THRAP3: variants seen among roughly 807,000 people sequenced by gnomAD.
THRAP3 encodes thyroid hormone receptor-associated protein 3.
In THRAP3, 16 loss-of-function variants were observed where a neutral mutation model predicts 101.0. The ratio of observed to expected loss-of-function variants is 0.16; its 90% CI spans 0.11 to 0.24. The LOEUF is 0.24. Among genes scored for constraint, THRAP3 ranks in the 10% least tolerant of loss-of-function variants. THRAP3 has a pLI of 1.00. For synonymous variants in THRAP3, 407 were observed against 422.6 expected (o/e 0.96, Z 0.45); for missense variants, 989 against 1,202.7 (o/e 0.82, Z 2.63).
At chr1:36,237,850 C>G (rs1557808843) in intron 1 of THRAP3, among the ~76,000 whole-genome samples, 1 of 152,042 alleles carries the variant, frequency 6.6e-6, no homozygotes, top group Non-Finnish European at 1.5e-5. Flanking sequence ...TGGAGACAAC[C>G]TTGCTTTGTC....
intron 5 of THRAP3, among the ~76,000 whole-genome samples, chr1:36,290,357 T>C (rs568548747): frequency 1.1e-4 from 16 of 151,526 alleles, no homozygotes; most frequent in African/African-American, 3.6e-4. Context: ...GCCCAGCTAA[T>C]TTCTTGTATT....
At chr1:36,238,053 T>C (rs1645112185) in intron 1 of THRAP3, among the ~76,000 whole-genome samples, 1 of 152,166 alleles carries the variant, frequency 6.6e-6, no homozygotes, top group South Asian at 2.1e-4. Flanking sequence ...CAGGATGGTC[T>C]GGATCTCCTG....
chr1:36,214,858 CA>C, the THRAP3 span, among the ~76,000 whole-genome samples: 18 of 137,566 alleles, frequency 1.3e-4, no homozygotes, highest in African/African-American at 2.4e-4. Context: ...AACTCTGTCT[CA>C]AAAAAAAAAT....
intron 1 of THRAP3, among the ~76,000 whole-genome samples, chr1:36,241,389 A>G (rs1159399941): frequency 1.0e-2 from 18 of 1,808 alleles, no homozygotes; most frequent in African/African-American, 0.012. Flanking sequence ...ATGGGTGTAT[A>G]TATATATATA....
chr1:36,216,495 CAA>C, the THRAP3 span, among the ~76,000 whole-genome samples: 56 of 56,406 alleles, frequency 9.9e-4, no homozygotes, highest in African/African-American at 3.0e-3. Flanking sequence ...GACTCCGTCT[CAA>C]AAAAAAAAAA....
rs1042214346 is a variant in THRAP3, at chr1:36,304,062, G to T, written c.*45G>T. On this transcript the variant is annotated 3_prime_UTR_variant, in exon 12 of 12. Coordinates refer to ENST00000354618, the MANE Select transcript of THRAP3 (RefSeq NM_005119.4). ...TCCTGCCCAGGGGAGAGAGGCGCTGGGAAGATGGCTGGTGAGGAGCTTAAC... is the reference window on the plus strand; with the variant it reads ...TCCTGCCCAGGGGAGAGAGGCGCTGTGAAGATGGCTGGTGAGGAGCTTAAC... 1 of 1,458,682 alleles carries T rather than the reference G, an allele frequency of 6.9e-7. No individual in the cohort carries two copies. The highest frequency in any genetic ancestry group is 2.8e-5 in the Admixed American group (1 of 35,226). 90.4% of individuals were successfully genotyped at this position (1,458,682 alleles called of 1,614,324 possible). A position where few individuals can be genotyped will look rare whatever the true frequency, so the allele number is the denominator to read the frequency against.
At chr1:36,292,791 C>CTAATT in intron 7 of THRAP3, 82 bp downstream of exon 7, 2 of 1,021,558 alleles carry the variant, frequency 2.0e-6, no homozygotes, top group Non-Finnish European at 2.9e-6. Context: ...AATTCTGCTG[C>CTAATT]TAATGCACCT....
At chr1:36,275,222 G>A (rs537567647) in intron 2 of THRAP3, among the ~76,000 whole-genome samples, 174 of 150,228 alleles carry the variant, frequency 1.2e-3, no homozygotes, top group African/African-American at 4.1e-3. Flanking sequence ...TCTGCAAGGC[G>A]GAGCTTGCAG....
intron 1 of THRAP3, among the ~76,000 whole-genome samples, chr1:36,237,282 G>A (rs6425973): frequency 0.97 from 146,954 of 152,082 alleles, 71,235 homozygotes; most frequent in Middle Eastern, 1. Context: ...ATCCTAGCCA[G>A]CATGGTGAAA....
chr1:36,210,726 T>TCATATATATATATGATATATATATATA, the THRAP3 span, among the ~76,000 whole-genome samples: 22 of 1,852 alleles, frequency 0.012, 7 homozygotes, highest in African/African-American at 0.024. Context: ...TATATATATA[T>TCATATATATATATGATATATATATATA]ATATATATAT....
chr1:36,245,836 A>G (rs1006247847), intron 1 of THRAP3, among the ~76,000 whole-genome samples: 16 of 152,108 alleles, frequency 1.1e-4, no homozygotes, highest in African/African-American at 3.9e-4. Flanking sequence ...ATTTTTCGCT[A>G]CTTCCTCCCC....
At chr1:36,303,112 ATTTTTTTTTT>A (rs397936228) in intron 11 of THRAP3, among the ~76,000 whole-genome samples, 86 of 125,158 alleles carry the variant, frequency 6.9e-4, no homozygotes, top group African/African-American at 2.1e-3. Context: ...TGCCTGGCTA[ATTTTTTTTTT>A]TTTTTTTTTT....
intron 1 of THRAP3, among the ~76,000 whole-genome samples, chr1:36,256,200 T>TATG (rs1645372539): frequency 8.3e-6 from 1 of 119,950 alleles, no homozygotes; most frequent in South Asian, 3.2e-4. Context: ...TTATTATTAT[T>TATG]ATTATTATTG....
intron 1 of THRAP3, among the ~76,000 whole-genome samples, chr1:36,252,652 AATCCC>A (rs1162861827): frequency 6.6e-6 from 1 of 151,924 alleles, no homozygotes; most frequent in Non-Finnish European, 1.5e-5. Context: ...TCACACCTGC[AATCCC>A]AGCGCTTTGG....
intron 9 of THRAP3, 48 bp from the exon 10 acceptor site, chr1:36,300,838 T>G: frequency 6.3e-7 from 1 of 1,594,332 alleles, no homozygotes; most frequent in Non-Finnish European, 8.6e-7. Context: ...AGCCAAGCAG[T>G]GTCCCTTAGA....
chr1:36,303,096 C>T (rs1570358504), intron 11 of THRAP3, among the ~76,000 whole-genome samples: 1 of 151,950 alleles, frequency 6.6e-6, no homozygotes, highest in Admixed American at 6.6e-5. Context: ...CAGGCGCACA[C>T]CCCCATGCCT....
chr1:36,277,890 G>C (rs968703791), intron 2 of THRAP3, among the ~76,000 whole-genome samples: 3 of 151,922 alleles, frequency 2.0e-5, no homozygotes, highest in Non-Finnish European at 4.4e-5. Context: ...CTCCCAAGTA[G>C]CTGGGATTAC....
At chr1:36,240,011 A>C (rs1184665163) in intron 1 of THRAP3, among the ~76,000 whole-genome samples, 1 of 152,206 alleles carries the variant, frequency 6.6e-6, no homozygotes, top group Non-Finnish European at 1.5e-5. Context: ...ATGGTTTGTT[A>C]CACAAAGAAT....
chr1:36,263,166 C>T (rs1645469534), intron 2 of THRAP3, among the ~76,000 whole-genome samples: 1 of 147,300 alleles, frequency 6.8e-6, no homozygotes, highest in Non-Finnish European at 1.5e-5. Flanking sequence ...GTGGCTTGAT[C>T]ACGGCTCACT....
Sources: allele counts gnomAD v4.1 joint callset (sites outside exome capture counted in the v4.1 genomes callset), GRCh38; gene constraint gnomAD v4.1.1; transcripts MANE v1.5; gene names NCBI Gene and HGNC (gene_info 2026-07-23, HGNC 2026-07-21).